ZNF28: variants seen among roughly 807,000 people sequenced by gnomAD.
The protein encoded by ZNF28 is zinc finger protein 28.
A neutral mutation model predicts 7.2 loss-of-function variants in ZNF28; 5 were observed. That is an observed-to-expected ratio of 0.70 (90% CI 0.36 to 1.46). The LOEUF (loss-of-function observed/expected upper bound fraction) is 1.46. ZNF28 is among the 40% of genes most tolerant of loss of function. The pLI, the probability that ZNF28 is intolerant of heterozygous loss-of-function variation, is 0.03. For synonymous variants in ZNF28, 288 were observed against 292.4 expected (o/e 0.99, Z 0.15); for missense variants, 879 against 866.6 (o/e 1.01, Z -0.18).
Position 52,798,447 on chromosome 19 carries a change from C to T in ZNF28, c.*1241G>A. On this transcript the variant is annotated 3_prime_UTR_variant, in exon 4 of 4. Coordinates refer to ENST00000457749, the MANE Select transcript of ZNF28 (RefSeq NM_006969.5). ...CTAATGGCATTTGAAACAACTGTCTCCAAAAGGAATTGTCTGATGGTCTGC... is the reference window on the plus strand; with the variant it reads ...CTAATGGCATTTGAAACAACTGTCTTCAAAAGGAATTGTCTGATGGTCTGC... The T allele has an allele frequency of 2.3e-6, 1 of 436,876 alleles. No homozygotes were observed. The highest frequency in any genetic ancestry group is 1.8e-5 in the South Asian group (1 of 55,098). The allele number at this position is 436,876 out of a possible 1,614,324, so 27.1% of individuals were successfully genotyped here.
rs1335226309 is a variant in ZNF28, at chr19:52,820,274, C to G, written c.-74+1312G>C. On this transcript the variant is annotated intron_variant, in intron 1 of 3. Coordinates refer to ENST00000457749, the MANE Select transcript of ZNF28 (RefSeq NM_006969.5). ...CTGGGACTACAGGCGCCCGCCACCG[C>G]GCCCGGCTAATTTTTTGTATTTTTA... 1.5e-5 allele frequency among the ~76,000 whole-genome samples: 2 copies of G among 137,056 alleles called. 1 individual carries two copies. The highest frequency in any genetic ancestry group is 6.1e-5 in the African/African-American group (2 of 32,644). The allele number at this position is 137,056 out of a possible 152,430, so 89.9% of individuals were successfully genotyped here. A position where few individuals can be genotyped will look rare whatever the true frequency, so the allele number is the denominator to read the frequency against.
intron 3 of ZNF28, among the ~76,000 whole-genome samples, chr19:52,806,348 G>T (rs1168886449): frequency 1.3e-5 from 2 of 151,748 alleles, no homozygotes. Context: ...CACCCACCAC[G>T]GCGCCTGGCT....
At chr19:52,820,682 A>G (rs1295351711) in intron 1 of ZNF28, among the ~76,000 whole-genome samples, 6 of 152,116 alleles carry the variant, frequency 3.9e-5, no homozygotes, top group Admixed American at 2.6e-4. Flanking sequence ...ATGAGCCTCC[A>G]CATTTCTGCC....
rs1228188240 is a variant in ZNF28 at position 52,800,394 on chromosome 19, CT to C, written c.1450del (p.Arg484AspfsTer140). On this transcript the variant is annotated frameshift_variant, in exon 4 of 4. Coordinates refer to ENST00000457749, the MANE Select transcript of ZNF28 (RefSeq NM_006969.5). LOFTEE classifies it low-confidence loss of function (END_TRUNC). ...KVFRCKSHLE[R>X]HRRIHTGEKP... ...CTCTCCAGTATGAATCCTCCTATGT[CT>C]TTCAAGGTGTGATTTGCACCTGAAA... The C allele has an allele frequency of 6.2e-7, 1 of 1,613,914 alleles. No individual in the cohort carries two copies. Among genetic ancestry groups the C allele is most frequent in the Non-Finnish European group, 8.5e-7 (1 of 1,179,990 alleles).
Position 52,808,053 on chromosome 19 carries a change from A to T in ZNF28, c.96T>A (p.Leu32=), listed in dbSNP as rs763485406. Residue 32 remains leucine, a synonymous_variant, in exon 3 of 4, where the codon CTT becomes CTA. Coordinates refer to ENST00000457749, the MANE Select transcript of ZNF28 (RefSeq NM_006969.5). ...WKCLDPAQRT[L]YRDVMLENYR... is the part of the protein sequence containing the mutation. ...AATTCTCCAGCATCACATCCCTGTAAAGAGTCCTCTGAGCAGGGTCCAGGC... is the reference window on the plus strand; with the variant it reads ...AATTCTCCAGCATCACATCCCTGTATAGAGTCCTCTGAGCAGGGTCCAGGC... The T allele has an allele frequency of 9.3e-6, 15 of 1,613,410 alleles. No individual in the cohort carries two copies. Among genetic ancestry groups the T allele is most frequent in the Middle Eastern group, 3.3e-4 (2 of 6,082 alleles).
chr19:52,800,325 T>C lies in ZNF28; in HGVS notation c.1520A>G (p.Asp507Gly). 3 of 1,613,936 alleles carry C rather than the reference T, an allele frequency of 1.9e-6. No individual in the cohort carries two copies. The highest frequency in any genetic ancestry group is 2.5e-6 in the Non-Finnish European group (3 of 1,179,974). Reference protein sequence around the residue: ...CKVCDKAFRSDSCLTEHQRVH... With the variant: ...CKVCDKAFRSGSCLTEHQRVH... ...TCTCTGATGTTCTGTAAGGCATGAATCACTCCGGAAAGCCTTGTCACAAAC... is the reference window on the plus strand; with the variant it reads ...TCTCTGATGTTCTGTAAGGCATGAACCACTCCGGAAAGCCTTGTCACAAAC... Residue 507 changes from aspartate to glycine, a missense_variant, in exon 4 of 4, where the codon GAT (aspartate) becomes GGT (glycine). Transcript: ENST00000457749.
chr19:52,803,004 C>A (rs991261135), intron 3 of ZNF28, among the ~76,000 whole-genome samples: 3 of 151,978 alleles, frequency 2.0e-5, no homozygotes, highest in Non-Finnish European at 4.4e-5. Context: ...CTTGTGATCC[C>A]CTTGCCTCAG....
intron 1 of ZNF28, among the ~76,000 whole-genome samples, chr19:52,821,328 G>C (rs1199574138): frequency 1.3e-5 from 2 of 152,138 alleles, no homozygotes; most frequent in African/African-American, 4.8e-5. Flanking sequence ...GTCAAAAAAA[G>C]GTTTTGAGCA....
Position 52,806,618 on chromosome 19 carries a change from A to C in ZNF28, c.142+1389T>G, listed in dbSNP as rs182642423. 2.2e-5 allele frequency among the ~76,000 whole-genome samples: 3 copies of C among 135,554 alleles called. No homozygotes were observed. In the East Asian group the frequency reaches 6.4e-4, roughly 29 times the overall value. The allele number at this position is 135,554 out of a possible 152,430, so 88.9% of individuals were successfully genotyped here. On this transcript the variant is annotated intron_variant, in intron 3 of 3. Coordinates refer to ENST00000457749, the MANE Select transcript of ZNF28 (RefSeq NM_006969.5). ...GACAAAACTATTTAAAATAATAACA[A>C]TGGTTAGGCATGGCAGCTCATGCCT... is the stretch of plus-strand genomic sequence containing the variant.
intron 2 of ZNF28, among the ~76,000 whole-genome samples, chr19:52,816,479 A>G: frequency 6.9e-6 from 1 of 145,350 alleles, no homozygotes; most frequent in Non-Finnish European, 1.5e-5. Flanking sequence ...CCTGGCTAAC[A>G]CGGTGAAACC....
Position 52,819,044 on chromosome 19 carries a change from G to T in ZNF28, c.-73-1013C>A, listed in dbSNP as rs372091484. On this transcript the variant is annotated intron_variant, in intron 1 of 3. Coordinates refer to ENST00000457749, the MANE Select transcript of ZNF28 (RefSeq NM_006969.5). The stretch of plus-strand genomic sequence containing the variant: ...CCTAGATCTGAAGGAGAAAGGGACA[G>T]TGCCATCTTCATTTAGAAACATTGA... Among the ~76,000 whole-genome samples the T allele has an allele frequency of 4.9e-5, 7 of 142,334 alleles. 2 individuals carry two copies. The highest frequency in any genetic ancestry group is 1.9e-4 in the African/African-American group (7 of 36,478). 93.4% of individuals were successfully genotyped at this position (142,334 alleles called of 152,430 possible).
rs10407539 is a variant in ZNF28 at position 52,799,228 on chromosome 19, A to G, written c.*460T>C. Reference sequence around the variant, plus strand: ...CGAATTGCCTTTTGAATTACAAGGTATGAATTTTGACCAAAGGTGTTGCCA... The same window carrying G: ...CGAATTGCCTTTTGAATTACAAGGTGTGAATTTTGACCAAAGGTGTTGCCA... On this transcript the variant is annotated 3_prime_UTR_variant, in exon 4 of 4. Coordinates refer to ENST00000457749, the MANE Select transcript of ZNF28 (RefSeq NM_006969.5). 0.88 allele frequency: 350,624 copies of G among 396,600 alleles called. 155,530 individuals are homozygous for G. The highest frequency in any genetic ancestry group is 0.94 in the Middle Eastern group (2,175 of 2,322). The allele number at this position is 396,600 out of a possible 1,614,324, so 24.6% of individuals were successfully genotyped here. A position where few individuals can be genotyped will look rare whatever the true frequency, so the allele number is the denominator to read the frequency against.
At position 52,800,640 on chromosome 19, in the gene ZNF28, TTA is replaced by T. The variant is rs1158514770; in HGVS notation, c.1203_1204del (p.His401GlnfsTer13). ...TGGTTTCTCTCCAGTATGAATCCTC[TTA>T]TGTCTTTCAAGATGTGATTTGCGAC... On this transcript the variant is annotated frameshift_variant, in exon 4 of 4. Transcript: ENST00000457749. LOFTEE classifies it low-confidence loss of function (END_TRUNC). 1.9e-6 allele frequency: 3 copies of T among 1,612,634 alleles called. No homozygotes were observed. Among genetic ancestry groups the T allele is most frequent in the African/African-American group, 1.3e-5 (1 of 74,662 alleles).
chr19:52,808,626 T>C (rs1476566040), intron 2 of ZNF28, among the ~76,000 whole-genome samples: 3 of 142,372 alleles, frequency 2.1e-5, no homozygotes, highest in Non-Finnish European at 4.6e-5. Context: ...AGAAACTCCA[T>C]CTCAAAAAAA....
intron 3 of ZNF28, 123 bp downstream of exon 3, chr19:52,807,863 AAAGTCCAGATGCTACATCATG>A (rs2062955937): frequency 7.6e-7 from 1 of 1,315,430 alleles, no homozygotes; most frequent in Non-Finnish European, 1.0e-6. Context: ...GGGGACAGTG[AAAGTCCAGATGCTACATCATG>A]AAGCTTTTCA....
rs764924351 is a variant in ZNF28, at chr19:52,801,392, C to G, written c.453G>C (p.Leu151=). 1.1e-5 allele frequency: 17 copies of G among 1,614,072 alleles called. No individual in the cohort carries two copies. The East Asian group carries it at 3.3e-4, about 32-fold the overall frequency. ...TTTTCCCTTCAGGCTGAAATATGTG[C>G]AGTTCAGGCAGATGCGAATGAAAGC... The part of the protein sequence containing the change: ...GLSFHSHLPE[L]HIFQPEGKIG... The change falls in exon 4 of 4, where the codon CTG becomes CTC. Residue 151 remains leucine (L), a synonymous_variant. Transcript: ENST00000457749.
Position 52,800,720 on chromosome 19 carries a change from C to A in ZNF28, c.1125G>T (p.Arg375Ser), listed in dbSNP as rs749189485. 3.3e-5 allele frequency: 53 copies of A among 1,607,350 alleles called. No individual in the cohort carries two copies. The highest frequency in any genetic ancestry group is 4.4e-5 in the Non-Finnish European group (52 of 1,178,062). Reference protein sequence around the residue: ...NRLSTLARHRRLHTGEKPYEC... With the variant: ...NRLSTLARHRSLHTGEKPYEC... ...CATAAGGTTTCTCTCCAGTATGAAG[C>A]CTACGATGGCGTGCAAGGGTTGACA... The change falls in exon 4 of 4, where the codon AGG becomes AGT. Residue 375 changes from arginine (R) to serine (S), a missense_variant. Around this residue, in one of 2 missense-constraint regions of ZNF28, gnomAD observed 864 missense variants for 830.2 expected, o/e 1.04. Coordinates refer to ENST00000457749, the MANE Select transcript of ZNF28 (RefSeq NM_006969.5).
chr19:52,800,481 G>C lies in ZNF28; in HGVS notation c.1364C>G (p.Ala455Gly), dbSNP rs760779561. The change falls in exon 4 of 4, where the codon GCA (alanine) becomes GGA (glycine). Residue 455 changes from alanine to glycine, a missense_variant. Transcript: ENST00000457749. ...TGCAGTATGAAGTCTATGATGGCGT[G>C]CAAGAGTTGATTGTTGATTAAAAAC... Reference protein sequence around the residue: ...GKVFNQQSTLARHHRLHTAEK... With the variant: ...GKVFNQQSTLGRHHRLHTAEK... The C allele has an allele frequency of 1.9e-5, 31 of 1,613,520 alleles. No homozygotes were observed. In the South Asian group the frequency reaches 2.7e-4, roughly 14 times the overall value.
intron 2 of ZNF28, 114 bp downstream of exon 2, chr19:52,817,830 G>T (rs2063146267): frequency 8.9e-6 from 14 of 1,569,020 alleles, no homozygotes; most frequent in East Asian, 2.2e-5. Context: ...CATGGGTGAG[G>T]GTGAGCAAAC....
Sources: allele counts gnomAD v4.1 joint callset (sites outside exome capture counted in the v4.1 genomes callset), GRCh38; gene constraint gnomAD v4.1.1; regional missense constraint gnomAD v4.1.1; transcripts MANE v1.5; gene names NCBI Gene and HGNC (gene_info 2026-07-23, HGNC 2026-07-21).